The following NFIL3 variants were observed in gnomAD, a reference collection of about 807,000 sequenced individuals.
NFIL3 encodes nuclear factor, interleukin 3 regulated, also known as nuclear factor interleukin-3-regulated protein.
A neutral mutation model predicts 10.0 loss-of-function variants in NFIL3; 5 were observed. The observed-to-expected ratio is 0.50, with a 90% CI of 0.26 to 1.06. NFIL3 has a LOEUF of 1.06. NFIL3 is among the 50% of genes least tolerant of loss of function. The pLI is 0.13. For synonymous variants in NFIL3, 202 were observed against 206.5 expected (o/e 0.98, Z 0.19); for missense variants, 436 against 547.6 (o/e 0.80, Z 2.03).
chr9:91,416,784 A>G (rs1048428334), intron 1 of NFIL3, among the ~76,000 whole-genome samples: 1 of 152,260 alleles, frequency 6.6e-6, no homozygotes, highest in Non-Finnish European at 1.5e-5. Flanking sequence ...AGCAAGAATT[A>G]TATTTCATAA....
intron 1 of NFIL3, among the ~76,000 whole-genome samples, chr9:91,411,924 A>C (rs906250639): frequency 6.6e-6 from 1 of 151,908 alleles, no homozygotes; most frequent in African/African-American, 2.4e-5. Flanking sequence ...AACATGGTGA[A>C]ACCCCATCTC....
the NFIL3 span, among the ~76,000 whole-genome samples, chr9:91,459,379 G>A: frequency 6.6e-6 from 1 of 152,176 alleles, no homozygotes; most frequent in Non-Finnish European, 1.5e-5. Flanking sequence ...CTTGTAGCTT[G>A]ATCTTTCAGG....
At chr9:91,445,511 A>T in the NFIL3 span, among the ~76,000 whole-genome samples, 3 of 152,246 alleles carry the variant, frequency 2.0e-5, no homozygotes, top group South Asian at 2.1e-4. Flanking sequence ...TGGAGCCTAA[A>T]AGGTGGGGTA....
chr9:91,452,040 A>G, the NFIL3 span, among the ~76,000 whole-genome samples: 1 of 152,182 alleles, frequency 6.6e-6, no homozygotes, highest in African/African-American at 2.4e-5. Context: ...CCTCTTGACT[A>G]AGGGCATTCC....
At chr9:91,412,354 C>T (rs1178878119) in intron 1 of NFIL3, among the ~76,000 whole-genome samples, 1 of 152,086 alleles carries the variant, frequency 6.6e-6, no homozygotes, top group Non-Finnish European at 1.5e-5. Context: ...TGACAGTTGC[C>T]TTAGCTCGAG....
the NFIL3 span, among the ~76,000 whole-genome samples, chr9:91,429,642 G>A: frequency 2.0e-5 from 3 of 151,738 alleles, no homozygotes; most frequent in African/African-American, 7.3e-5. Context: ...TTGGGTGCTT[G>A]ACCGCATTTC....
intron 1 of NFIL3, among the ~76,000 whole-genome samples, chr9:91,416,739 G>A (rs944706345): frequency 1.3e-5 from 2 of 152,170 alleles, no homozygotes; most frequent in African/African-American, 4.8e-5. Context: ...CTTTTGTATA[G>A]TCCATCACAC....
At chr9:91,460,365 C>G in the NFIL3 span, among the ~76,000 whole-genome samples, 1 of 145,570 alleles carries the variant, frequency 6.9e-6, no homozygotes, top group Admixed American at 6.9e-5. Flanking sequence ...ACCTCCATCT[C>G]CCAGGTTCAA....
At chr9:91,436,456 T>C in the NFIL3 span, among the ~76,000 whole-genome samples, 4 of 152,088 alleles carry the variant, frequency 2.6e-5, no homozygotes, top group Non-Finnish European at 5.9e-5. Context: ...CGGGCACCTT[T>C]AGTTTCAGCT....
the NFIL3 span, among the ~76,000 whole-genome samples, chr9:91,473,162 G>A: frequency 6.6e-6 from 1 of 152,220 alleles, no homozygotes; most frequent in African/African-American, 2.4e-5. Flanking sequence ...CTACACGGGG[G>A]TCAGGCTACT....
chr9:91,431,180 C>T, the NFIL3 span, among the ~76,000 whole-genome samples: 93 of 152,280 alleles, frequency 6.1e-4, 1 homozygote, highest in East Asian at 0.013. Context: ...TCAGGCAGTA[C>T]GTTATTCAAG....
chr9:91,477,802 G>A, the NFIL3 span, among the ~76,000 whole-genome samples: 2 of 151,986 alleles, frequency 1.3e-5, no homozygotes, highest in Admixed American at 1.3e-4. Flanking sequence ...ACATTCCTAG[G>A]TCTCCTTTTT....
At position 91,410,408 on chromosome 9, in the gene NFIL3, T is replaced by C. The variant is rs758220373; in HGVS notation, c.327A>G (p.Gly109=). The C allele has an allele frequency of 1.2e-6, 2 of 1,613,696 alleles. No individual in the cohort carries two copies. The highest frequency in any genetic ancestry group is 3.3e-5 in the Admixed American group (2 of 59,894). ...CAGCTTTTAAAGTGGCGTTTTCTTC[T>C]CCCAGTGCAATTAGTTTGTTCTCTA... ...LVLENKLIAL[G]EENATLKAEL... Residue 109 remains glycine, a synonymous_variant, in exon 2 of 2, where the codon GGA becomes GGG. Coordinates refer to ENST00000297689, the MANE Select transcript of NFIL3 (RefSeq NM_005384.3). This position sits in a 1 kb window ranked among gnomAD's most constrained non-coding sequence, Gnocchi z 5.7.
intron 1 of NFIL3, among the ~76,000 whole-genome samples, chr9:91,417,510 T>C (rs1434289942): frequency 1.3e-5 from 2 of 152,204 alleles, no homozygotes; most frequent in African/African-American, 2.4e-5. Context: ...TCTGCGTCAA[T>C]GAAATGCTTT....
rs748612574 is a variant in NFIL3, at chr9:91,409,872, C to A, written c.863G>T (p.Gly288Val). 6.2e-7 allele frequency: 1 copy of A among 1,614,012 alleles called. No individual in the cohort carries two copies. Among genetic ancestry groups the A allele is most frequent in the Admixed American group, 1.7e-5 (1 of 60,006 alleles). ...CTTGGGGACCTGTTGCTCGTCTTCT[C>A]CATCAGATGACTTTCCTACCACACC... Reference protein sequence around the residue: ...DDGVVGKSSDGEDEQQVPKGP... With the variant: ...DDGVVGKSSDVEDEQQVPKGP... Residue 288 changes from glycine to valine, a missense_variant, in exon 2 of 2, where the codon GGA (glycine) becomes GTA (valine). By Grantham distance (109) the Gly-to-Val change is moderately radical. Transcript: ENST00000297689.
At chr9:91,477,106 A>C in the NFIL3 span, among the ~76,000 whole-genome samples, 1 of 152,156 alleles carries the variant, frequency 6.6e-6, no homozygotes, top group Non-Finnish European at 1.5e-5. Flanking sequence ...GCCGGGCTGC[A>C]CTGGGTTCCC....
the NFIL3 span, among the ~76,000 whole-genome samples, chr9:91,436,970 T>G: frequency 6.6e-5 from 10 of 152,218 alleles, no homozygotes; most frequent in African/African-American, 2.4e-4. Context: ...AGGATAAAAC[T>G]GTTCCGTGTC....
At chr9:91,445,518 G>T in the NFIL3 span, among the ~76,000 whole-genome samples, 1 of 152,132 alleles carries the variant, frequency 6.6e-6, no homozygotes, top group Non-Finnish European at 1.5e-5. Flanking sequence ...TAAAAGGTGG[G>T]GTAGAACAGC....
the NFIL3 span, among the ~76,000 whole-genome samples, chr9:91,436,907 C>T: frequency 6.6e-6 from 1 of 152,160 alleles, no homozygotes; most frequent in Non-Finnish European, 1.5e-5. Context: ...CAGCAGGGAC[C>T]GGTTTCGTGG....
Sources: gnomAD v4.1 joint callset for allele counts (sites outside exome capture counted in the v4.1 genomes callset) on GRCh38, gnomAD v4.1.1 for gene constraint, Gnocchi (gnomAD v3.1) non-coding constraint, MANE v1.5 for transcripts, NCBI Gene and HGNC (gene_info 2026-07-23, HGNC 2026-07-21) for gene names.